Variants in RSRC2 observed in about 807,000 individuals in gnomAD.
The protein encoded by RSRC2 is arginine and serine rich coiled-coil 2.
Under a neutral mutation model 61.3 loss-of-function variants are expected in RSRC2, and 5 were observed. The observed-to-expected ratio is 0.08, with a 90% CI of 0.04 to 0.17. The LOEUF is 0.17. Ranked by LOEUF, RSRC2 falls within the 10% of genes least tolerant of loss-of-function variation. RSRC2 has a pLI of 1.00. For synonymous variants in RSRC2, 202 were observed against 166.5 expected, an observed-to-expected ratio of 1.21 and a Z score of -1.64; for missense variants, 381 against 518.8, an observed-to-expected ratio of 0.73 and a Z score of 2.58.
At chr12:122,514,266 G>A (rs1220346980) in intron 6 of RSRC2, among the ~76,000 whole-genome samples, 4 of 137,290 alleles carry the variant, frequency 2.9e-5, no homozygotes, top group African/African-American at 1.1e-4. Flanking sequence ...GTGTGTGTGT[G>A]TGTGTTTTTT....
intron 6 of RSRC2, 63 bp downstream of exon 6, chr12:122,515,042 T>A (rs1250445757): frequency 1.3e-6 from 2 of 1,536,062 alleles, no homozygotes; most frequent in Non-Finnish European, 1.8e-6. Flanking sequence ...ATTCATCTTA[T>A]CCACACAATT....
intron 5 of RSRC2, 21 bp from the exon 6 acceptor site, chr12:122,515,248 T>C: frequency 6.2e-7 from 1 of 1,605,946 alleles, no homozygotes; most frequent in Non-Finnish European, 8.5e-7. Context: ...TCGTATTTCA[T>C]ATGTCAAATT....
At chr12:122,515,760 C>G (rs1049467515) in intron 5 of RSRC2, among the ~76,000 whole-genome samples, 1 of 152,120 alleles carries the variant, frequency 6.6e-6, no homozygotes, top group Non-Finnish European at 1.5e-5. Flanking sequence ...GAAGCTCAGG[C>G]GGACAGATGA....
At chr12:122,512,408 G>T (rs1420749290) in intron 6 of RSRC2, among the ~76,000 whole-genome samples, 2 of 152,072 alleles carry the variant, frequency 1.3e-5, no homozygotes, top group South Asian at 2.1e-4. Flanking sequence ...TACAATGCAG[G>T]GGTAGTAAAT....
At chr12:122,519,289 G>GA (rs1331485875) in intron 3 of RSRC2, 3 of 395,706 alleles carry the variant, frequency 7.6e-6, no homozygotes, top group African/African-American at 6.1e-5. Context: ...TTGAAATATT[G>GA]AAAAGCCATT....
Position 122,515,274 on chromosome 12 carries a change from C to T in RSRC2, c.603-47G>A, listed in dbSNP as rs748675574. On this transcript the variant is annotated intron_variant, in intron 5 of 9. Transcript: ENST00000331738. The stretch of plus-strand genomic sequence containing the variant: ...ATGTCAAATTATGGCCAAGTCATAA[C>T]TATTTTGTTAATAAGAAATCAATTA... The T allele has an allele frequency of 5.7e-6, 9 of 1,570,130 alleles. No homozygotes were observed. In the South Asian group the frequency reaches 1.0e-4, roughly 18 times the overall value.
At chr12:122,510,154 G>A (rs866241111) in intron 7 of RSRC2, among the ~76,000 whole-genome samples, 20 of 152,188 alleles carry the variant, frequency 1.3e-4, no homozygotes, top group African/African-American at 4.1e-4. Flanking sequence ...TGTTTGTTAC[G>A]CATAAAAACT....
Position 122,505,429 on chromosome 12 carries a change from A to G in RSRC2, c.*98T>C. On this transcript the variant is annotated 3_prime_UTR_variant, in exon 10 of 10. Transcript: ENST00000331738. ...TTTTCAATAAATTAAAGTCAATGCA[A>G]CACCCATGCAAGCTAGAGTGCTAGC... The G allele has an allele frequency of 9.1e-7, 1 of 1,093,358 alleles. No individual in the cohort carries two copies. Among genetic ancestry groups the G allele is most frequent in the Non-Finnish European group, 1.3e-6 (1 of 751,124 alleles). The allele number at this position is 1,093,358 out of a possible 1,614,324, so 67.7% of individuals were successfully genotyped here. A position where few individuals can be genotyped will look rare whatever the true frequency, so the allele number is the denominator to read the frequency against.
intron 6 of RSRC2, chr12:122,513,785 C>CT: frequency 3.0e-6 from 3 of 985,404 alleles, no homozygotes; most frequent in Non-Finnish European, 3.6e-6. Context: ...TGCTGTTCAG[C>CT]TGCAGTTTCT....
chr12:122,517,938 CTG>C (rs1339988225), intron 4 of RSRC2, among the ~76,000 whole-genome samples: 2 of 152,150 alleles, frequency 1.3e-5, no homozygotes, highest in Non-Finnish European at 2.9e-5. Context: ...TGCAAAAGGA[CTG>C]TTTATCAGCT....
At chr12:122,511,325 G>A (rs558907474) in intron 6 of RSRC2, 137 bp from the exon 7 acceptor site, 98 of 548,738 alleles carry the variant, frequency 1.8e-4, no homozygotes, top group South Asian at 5.4e-4. Context: ...ACCGATAGCC[G>A]TATGTGAAGA....
Position 122,517,293 on chromosome 12 carries a change from C to A in RSRC2, c.536G>T (p.Arg179Leu), listed in dbSNP as rs1158435435. The A allele has an allele frequency of 1.9e-6, 3 of 1,613,968 alleles. No homozygotes were observed. Among genetic ancestry groups the A allele is most frequent in the Non-Finnish European group, 1.7e-6 (2 of 1,180,018 alleles). ...CCTGTGTCTTGATCTTGAGCGGGAA[C>A]GAGACCTGATCCGCCGTTTTCTTTC... is the stretch of plus-strand genomic sequence containing the variant. Reference protein sequence around the residue: ...SRERKRRIRSRSRSRSRHRHR... With the variant: ...SRERKRRIRSLSRSRSRHRHR... The change falls in exon 5 of 10, where the codon CGT becomes CTT. Residue 179 changes from arginine (R) to leucine (L), a missense_variant. Transcript: ENST00000331738.
intron 3 of RSRC2, chr12:122,520,629 T>G (rs1393512199): frequency 7.9e-7 from 1 of 1,269,010 alleles, no homozygotes. Context: ...CTAAACAAAA[T>G]AGTCATTTTC....
intron 7 of RSRC2, among the ~76,000 whole-genome samples, chr12:122,510,537 C>G (rs1321865676): frequency 2.6e-5 from 4 of 152,042 alleles, no homozygotes; most frequent in Admixed American, 2.0e-4. Context: ...ACAACAACAA[C>G]AAGATCTGTC....
Position 122,518,821 on chromosome 12 carries a change from T to C in RSRC2, c.398+18A>G. 6.3e-7 allele frequency: 1 copy of C among 1,597,078 alleles called. No homozygotes were observed. Among genetic ancestry groups the C allele is most frequent in the Non-Finnish European group, 8.6e-7 (1 of 1,164,624 alleles). On this transcript the variant is annotated intron_variant, in intron 4 of 9. Transcript: ENST00000331738. ...TAACTTGTTAGAAGGTACTACATTA[T>C]AATACAACATGACTTACCTTTCACG...
At chr12:122,517,094 T>C in intron 5 of RSRC2, 133 bp downstream of exon 5, 1 of 1,281,154 alleles carries the variant, frequency 7.8e-7, no homozygotes, top group Non-Finnish European at 1.1e-6. Flanking sequence ...ATACGTTAGG[T>C]AATGACTAAA....
At position 122,505,694 on chromosome 12, in the gene RSRC2, C is replaced by A. The variant is rs1372241165; in HGVS notation, c.1138G>T (p.Ala380Ser). The A allele has an allele frequency of 6.2e-7, 1 of 1,613,378 alleles. No individual in the cohort carries two copies. Among genetic ancestry groups the A allele is most frequent in the East Asian group, 2.2e-5 (1 of 44,874 alleles). The change falls in exon 10 of 10, where the codon GCT becomes TCT. Residue 380 changes from alanine (A) to serine (S), a missense_variant. Coordinates refer to ENST00000331738, the MANE Select transcript of RSRC2 (RefSeq NM_023012.6). ...TCTTCATCAACTGAGCTACATCCAG[C>A]TTCATCTTCACTCTAAAAATCAGAC... is the stretch of plus-strand genomic sequence containing the variant. ...KLMGIKSEDE[A>S]GCSSVDEESY...
intron 6 of RSRC2, chr12:122,513,869 T>C: frequency 1.1e-6 from 1 of 947,652 alleles, no homozygotes; most frequent in South Asian, 4.9e-5. Flanking sequence ...GGAGACCCCG[T>C]CTTCTCTACA....
chr12:122,508,535 C>T (rs1314367219), intron 7 of RSRC2, 88 bp from the exon 8 acceptor site: 2 of 1,074,608 alleles, frequency 1.9e-6, no homozygotes, highest in Non-Finnish European at 2.7e-6. Context: ...TTATAAAAAG[C>T]TATGAATGTG....
Sources: allele counts gnomAD v4.1 joint callset (sites outside exome capture counted in the v4.1 genomes callset), GRCh38; gene constraint gnomAD v4.1.1; transcripts MANE v1.5; gene names NCBI Gene and HGNC (gene_info 2026-07-23, HGNC 2026-07-21).